STARD9: variants seen among roughly 807,000 people sequenced by gnomAD.
The protein encoded by STARD9 is StAR related lipid transfer domain containing 9, also known as stAR-related lipid transfer protein 9.
STARD9 carries 346 observed loss-of-function variants against 399.8 expected under a neutral mutation model. The observed-to-expected ratio is 0.87, with a 90% confidence interval of 0.79 to 0.95. The LOEUF is 0.95. STARD9 is among the 40% of genes least tolerant of loss of function. The pLI, the probability that STARD9 is intolerant of heterozygous loss-of-function variation, is 0.00. For missense variants in STARD9, 5,832 were observed against 5,667.5 expected (o/e 1.03, Z -0.93); for synonymous variants, 2,203 against 2,143.5 (o/e 1.03, Z -0.77).
At chr15:42,589,952 CTTTTTTTT>C (rs961377203) in intron 3 of STARD9, among the ~76,000 whole-genome samples, 9 of 91,968 alleles carry the variant, frequency 9.8e-5, no homozygotes, top group African/African-American at 1.3e-4. Context: ...AACCTTGATT[CTTTTTTTT>C]TTTTTTTTTT....
Position 42,698,045 on chromosome 15 carries a change from C to T in STARD9, c.13284+2165C>T, listed in dbSNP as rs573451268. Among the ~76,000 whole-genome samples, 13 of 152,288 alleles carry T rather than the reference C, an allele frequency of 8.5e-5. No individual in the cohort carries two copies. The South Asian group carries it at 1.7e-3, about 19-fold the overall frequency. ...CTATACCTTATATATTTTTTTCACT[C>T]AGTATAATTTGTAACTCTATTTGAA... is the stretch of plus-strand genomic sequence containing the variant. On this transcript the variant is annotated intron_variant, in intron 26 of 32. Coordinates refer to ENST00000290607, the MANE Select transcript of STARD9 (RefSeq NM_020759.3).
At chr15:42,651,709 A>T (rs569157979) in intron 8 of STARD9, among the ~76,000 whole-genome samples, 1 of 152,264 alleles carries the variant, frequency 6.6e-6, no homozygotes, top group African/African-American at 2.4e-5. Flanking sequence ...AAGTTAATTG[A>T]ACATAAAGGA....
chr15:42,602,956 C>T (rs1312950988), intron 3 of STARD9, among the ~76,000 whole-genome samples: 1 of 152,168 alleles, frequency 6.6e-6, no homozygotes, highest in Non-Finnish European at 1.5e-5. Context: ...AGGTTCCCTG[C>T]CTCTAGACCC....
At chr15:42,645,894 T>G (rs1187603756) in intron 7 of STARD9, among the ~76,000 whole-genome samples, 1 of 151,996 alleles carries the variant, frequency 6.6e-6, no homozygotes, top group East Asian at 1.9e-4. Context: ...TCATGGTGGC[T>G]CATGCCTGTA....
At chr15:42,619,272 C>T (rs1401881172) in intron 3 of STARD9, among the ~76,000 whole-genome samples, 1 of 152,188 alleles carries the variant, frequency 6.6e-6, no homozygotes, top group African/African-American at 2.4e-5. Context: ...TAACCCCTGG[C>T]AACCACTGAT....
chr15:42,600,578 T>G (rs1010825292), intron 3 of STARD9, among the ~76,000 whole-genome samples: 22 of 149,894 alleles, frequency 1.5e-4, no homozygotes, highest in African/African-American at 5.4e-4. Flanking sequence ...CAGGCTGGAG[T>G]GCAACGGCAC....
chr15:42,692,089 C>T lies in STARD9; in HGVS notation c.10511C>T (p.Thr3504Ile), dbSNP rs2060721991. 6.5e-7 allele frequency: 1 copy of T among 1,537,112 alleles called. No homozygotes were observed. The highest frequency in any genetic ancestry group is 8.7e-7 in the Non-Finnish European group (1 of 1,146,922). ...TGCAGCCAGAAGCCCCAGGGGCTGA[C>T]ACTATCAAATGTGGCCCGGTGCTCC... is the stretch of plus-strand genomic sequence containing the variant. ...VSCSQKPQGL[T>I]LSNVARCSSM... is the part of the protein sequence containing the mutation. Residue 3504 changes from threonine (T) to isoleucine (I), a missense_variant, in exon 23 of 33, where the codon ACA becomes ATA. By Grantham distance (89) the Thr-to-Ile change is moderately conservative. Coordinates refer to ENST00000290607, the MANE Select transcript of STARD9 (RefSeq NM_020759.3).
rs1361649483 is a variant in STARD9, at chr15:42,693,578, T to C, written c.12000T>C (p.Pro4000=). The change falls in exon 23 of 33, where the codon CCT becomes CCC. Residue 4000 remains proline (P), a synonymous_variant. Transcript: ENST00000290607. ...AATTTAGTTTCTTAGGGCAGCACCCTCAGCAGCTTCAGCCCAGGACAACTA... is the reference window on the plus strand; with the variant it reads ...AATTTAGTTTCTTAGGGCAGCACCCCCAGCAGCTTCAGCCCAGGACAACTA... ...KLQFSFLGQH[P]QQLQPRTTIG... 11 of 1,537,254 alleles carry C rather than the reference T, an allele frequency of 7.2e-6. No homozygotes were observed. In the Middle Eastern group the frequency reaches 5.0e-4, roughly 70 times the overall value.
chr15:42,694,038 G>C lies in STARD9; in HGVS notation c.12460G>C (p.Gly4154Arg), dbSNP rs1468839177. The C allele has an allele frequency of 4.6e-6, 7 of 1,534,116 alleles. No homozygotes were observed. Among genetic ancestry groups the C allele is most frequent in the Admixed American group, 4.0e-5 (2 of 50,574 alleles). ...GTGTGGGGTTCAGAAGGGCTCACCT[G>C]GGGGGTTGGACATGACTGAGGAGGA... ...NWCGVQKGSP[G>R]GLDMTEEELG... The change falls in exon 23 of 33, where the codon GGG becomes CGG. Residue 4154 changes from glycine to arginine, a missense_variant. Coordinates refer to ENST00000290607, the MANE Select transcript of STARD9 (RefSeq NM_020759.3).
chr15:42,585,162 C>G (rs1458008456), intron 2 of STARD9, among the ~76,000 whole-genome samples: 1 of 151,794 alleles, frequency 6.6e-6, no homozygotes, highest in Non-Finnish European at 1.5e-5. Flanking sequence ...ATCTGAAATC[C>G]AAAAAATTCC....
intron 3 of STARD9, among the ~76,000 whole-genome samples, chr15:42,629,151 C>G (rs1255503215): frequency 6.6e-6 from 1 of 152,012 alleles, no homozygotes; most frequent in Non-Finnish European, 1.5e-5. Flanking sequence ...TCCCAAGTAG[C>G]CAGGACTATA....
intron 3 of STARD9, among the ~76,000 whole-genome samples, chr15:42,608,152 A>T (rs946407175): frequency 1.3e-5 from 2 of 152,100 alleles, no homozygotes; most frequent in Admixed American, 6.6e-5. Flanking sequence ...ACTTGCTATG[A>T]AGGGCTGAGG....
At position 42,692,480 on chromosome 15, in the gene STARD9, G is replaced by A. The variant is rs1238107052; in HGVS notation, c.10902G>A (p.Arg3634=). 2.6e-6 allele frequency: 4 copies of A among 1,537,110 alleles called. No individual in the cohort carries two copies. The South Asian group carries it at 4.8e-5, about 18-fold the overall frequency. The change falls in exon 23 of 33, where the codon AGG becomes AGA. Residue 3634 remains arginine (R), a synonymous_variant. Coordinates refer to ENST00000290607, the MANE Select transcript of STARD9 (RefSeq NM_020759.3). ...SEAGCPVGQT[R]TNTFEQGTQT... ...CAGGCTGCCCTGTGGGACAGACCAG[G>A]ACGAACACATTCGAACAGGGCACAC... is the stretch of plus-strand genomic sequence containing the variant.
intron 3 of STARD9, among the ~76,000 whole-genome samples, chr15:42,596,538 A>T (rs1246117777): frequency 6.6e-6 from 1 of 152,222 alleles, no homozygotes; most frequent in Non-Finnish European, 1.5e-5. Flanking sequence ...GTAGACAGGC[A>T]TGCACAGGCA....
chr15:42,667,194 A>AT (rs1439024085), intron 15 of STARD9, among the ~76,000 whole-genome samples: 19 of 149,308 alleles, frequency 1.3e-4, no homozygotes, highest in African/African-American at 3.7e-4. Context: ...TTTTTATGTT[A>AT]TTTTTTTTGA....
Position 42,693,588 on chromosome 15 carries a change from C to G in STARD9, c.12010C>G (p.Gln4004Glu). 3.9e-6 allele frequency: 6 copies of G among 1,537,268 alleles called. No individual in the cohort carries two copies. The highest frequency in any genetic ancestry group is 5.2e-6 in the Non-Finnish European group (6 of 1,146,910). The change falls in exon 23 of 33, where the codon CAG (glutamine) becomes GAG (glutamate). Residue 4004 changes from glutamine to glutamate, a missense_variant. Coordinates refer to ENST00000290607, the MANE Select transcript of STARD9 (RefSeq NM_020759.3). Reference sequence around the variant, plus strand: ...CTTAGGGCAGCACCCTCAGCAGCTTCAGCCCAGGACAACTATCGGGGTCCA... The same window carrying G: ...CTTAGGGCAGCACCCTCAGCAGCTTGAGCCCAGGACAACTATCGGGGTCCA... ...SFLGQHPQQL[Q>E]PRTTIGVQSR...
chr15:42,689,231 C>G lies in STARD9; in HGVS notation c.7653C>G (p.Ile2551Met). ...PSDHASMCLAILEEIRQAKAQ... is the reference protein window; with the variant it reads ...PSDHASMCLAMLEEIRQAKAQ... The stretch of plus-strand genomic sequence containing the variant: ...ACCATGCATCCATGTGCCTGGCCAT[C>G]TTGGAGGAGATCAGACAGGCAAAGG... The change falls in exon 23 of 33, where the codon ATC becomes ATG. Residue 2551 changes from isoleucine to methionine, a missense_variant. Transcript: ENST00000290607. 1 of 1,537,264 alleles carries G rather than the reference C, an allele frequency of 6.5e-7. No individual in the cohort carries two copies. Among genetic ancestry groups the G allele is most frequent in the Non-Finnish European group, 8.7e-7 (1 of 1,146,910 alleles).
chr15:42,641,106 T>C (rs1297267867), intron 7 of STARD9, among the ~76,000 whole-genome samples: 1 of 152,078 alleles, frequency 6.6e-6, no homozygotes, highest in Non-Finnish European at 1.5e-5. Context: ...ACTCAGAAAA[T>C]ATGACTCTTG....
chr15:42,601,454 C>T (rs2058625113), intron 3 of STARD9, among the ~76,000 whole-genome samples: 1 of 150,938 alleles, frequency 6.6e-6, no homozygotes, highest in African/African-American at 2.4e-5. Flanking sequence ...GCAGAGGCGC[C>T]CCCCAACCTC....
Sources: allele counts gnomAD v4.1 joint callset (sites outside exome capture counted in the v4.1 genomes callset), GRCh38; gene constraint gnomAD v4.1.1; transcripts MANE v1.5; gene names NCBI Gene and HGNC (gene_info 2026-07-23, HGNC 2026-07-21).